PCDHGA5: variants seen among roughly 807,000 people sequenced by gnomAD.
PCDHGA5 encodes the protein protocadherin gamma-A5.
Under a neutral mutation model 56.7 loss-of-function variants are expected in PCDHGA5, and 36 were observed. The ratio of observed to expected loss-of-function variants is 0.64; its 90% CI spans 0.49 to 0.84. The LOEUF is 0.84. Among genes scored for constraint, PCDHGA5 ranks in the 40% least tolerant of loss-of-function variants. The pLI, the probability that PCDHGA5 is intolerant of heterozygous loss-of-function variation, is 0.00. For synonymous variants in PCDHGA5, 563 were observed against 520.2 expected (o/e 1.08, Z -1.12); for missense variants, 1,305 against 1,201.5 (o/e 1.09, Z -1.27).
At chr5:141,497,018 A>G (rs988584487) in intron 2 of PCDHGA5, among the ~76,000 whole-genome samples, 1 of 152,084 alleles carries the variant, frequency 6.6e-6, no homozygotes, top group Non-Finnish European at 1.5e-5. Flanking sequence ...GTGAAACCCC[A>G]TCTCGATTAA....
At chr5:141,393,622 A>G (rs776047060) in intron 1 of PCDHGA5, 2 of 1,613,960 alleles carry the variant, frequency 1.2e-6, no homozygotes, top group Non-Finnish European at 1.7e-6. Flanking sequence ...AGCGACCCGG[A>G]TGAGGGAATC....
intron 1 of PCDHGA5, chr5:141,421,459 G>T: frequency 6.2e-7 from 1 of 1,614,142 alleles, no homozygotes; most frequent in South Asian, 1.1e-5. Context: ...GCTTTTCGCT[G>T]TGAATCCGCG....
At chr5:141,381,657 C>T (rs1224064730) in intron 1 of PCDHGA5, among the ~76,000 whole-genome samples, 5 of 152,134 alleles carry the variant, frequency 3.3e-5, no homozygotes, top group East Asian at 1.9e-4. Context: ...AAATGGGTTG[C>T]TTCTATAGCT....
intron 1 of PCDHGA5, chr5:141,382,829 T>C: frequency 7.3e-7 from 1 of 1,376,168 alleles, no homozygotes; most frequent in Non-Finnish European, 9.9e-7. Flanking sequence ...GACAGAGGGG[T>C]CCACCCGGAT....
At chr5:141,387,920 G>A in intron 1 of PCDHGA5, 12 of 1,481,924 alleles carry the variant, frequency 8.1e-6, no homozygotes, top group Non-Finnish European at 1.1e-5. Context: ...GCCGGGCTGA[G>A]AGGCTGCCAG....
intron 1 of PCDHGA5, chr5:141,375,524 G>T: frequency 6.2e-7 from 1 of 1,613,986 alleles, no homozygotes; most frequent in Admixed American, 1.7e-5. Flanking sequence ...GGACCCTGAC[G>T]TGGACCAGAA....
intron 1 of PCDHGA5, chr5:141,395,364 AT>A: frequency 1.6e-6 from 2 of 1,264,440 alleles, no homozygotes; most frequent in Non-Finnish European, 2.1e-6. Context: ...TTTTGGGTTT[AT>A]TTTGGTGGTG....
intron 1 of PCDHGA5, chr5:141,419,502 T>C: frequency 6.2e-7 from 1 of 1,612,388 alleles, no homozygotes; most frequent in Admixed American, 1.7e-5. Context: ...AATGTGAGCC[T>C]GCGCGTGTTG....
In PCDHGA5 at chr5:141,432,126, C is replaced by G. The variant is rs750150518; in HGVS notation, c.2422-62681C>G. 12 of 1,614,026 alleles carry G rather than the reference C, an allele frequency of 7.4e-6. No homozygotes were observed. Among genetic ancestry groups the G allele is most frequent in the South Asian group, 4.4e-5 (4 of 91,062 alleles). On this transcript the variant is annotated intron_variant, in intron 1 of 3. Transcript: ENST00000518069. The surrounding 1 kb of genome is among the most constrained non-coding windows in gnomAD (Gnocchi z 6.0). ...AACCCGCCGGTCTTCCCTCAGGCCT[C>G]CTATTCCGCTTATATCCCAGAGAAC...
rs1195316502 is a variant in PCDHGA5 at position 141,431,006 on chromosome 5, A to G, written c.2422-63801A>G. 1.2e-6 allele frequency: 2 copies of G among 1,614,116 alleles called. No individual in the cohort carries two copies. Among genetic ancestry groups the G allele is most frequent in the South Asian group, 2.2e-5 (2 of 91,078 alleles). ...TTTCGCCCTGAATCCGCGCAGCGGC[A>G]GCTTGGTCACGGCGGGCAGGATAGA... On this transcript the variant is annotated intron_variant, in intron 1 of 3. Transcript: ENST00000518069. The surrounding 1 kb of genome is among the most constrained non-coding windows in gnomAD (Gnocchi z 4.8).
chr5:141,475,914 A>C (rs2099380300), intron 1 of PCDHGA5: 1 of 592,260 alleles, frequency 1.7e-6, no homozygotes, highest in African/African-American at 1.9e-5. Context: ...GCCAATGAAG[A>C]CGCTGGAGAT....
chr5:141,381,826 C>CTTTTTTTTTTTTTTTTTTTTTTT (rs770630741), intron 1 of PCDHGA5, among the ~76,000 whole-genome samples: 5 of 74,282 alleles, frequency 6.7e-5, no homozygotes, highest in Non-Finnish European at 1.2e-4. Context: ...CTTTCTTCTT[C>CTTTTTTTTTTTTTTTTTTTTTTT]TTTTTTTTTT....
chr5:141,379,889 C>CTTTTTTTTTTTTTTTTTTTTTTTTTTTT lies in PCDHGA5; in HGVS notation c.2421+13141_2421+13168dup, dbSNP rs70988800. On this transcript the variant is annotated intron_variant, in intron 1 of 3. Transcript: ENST00000518069. The stretch of plus-strand genomic sequence containing the variant: ...CTTATTTTATGGTCTGTGAAAGCCT[C>CTTTTTTTTTTTTTTTTTTTTTTTTTTTT]TTTTTTTTTTTTTTTTTTTTTTTTT... Among the ~76,000 whole-genome samples the CTTTTTTTTTTTTTTTTTTTTTTTTTTTT allele has an allele frequency of 5.5e-4, 28 of 50,832 alleles. 8 individuals are homozygous for CTTTTTTTTTTTTTTTTTTTTTTTTTTTT. The highest frequency in any genetic ancestry group is 7.7e-4 in the Non-Finnish European group (20 of 25,882). 33.3% of individuals were successfully genotyped at this position (50,832 alleles called of 152,430 possible). A position where few individuals can be genotyped will look rare whatever the true frequency, so the allele number is the denominator to read the frequency against.
At chr5:141,394,384 A>G (rs1379369009) in intron 1 of PCDHGA5, 2 of 1,614,114 alleles carry the variant, frequency 1.2e-6, no homozygotes, top group African/African-American at 2.7e-5. Flanking sequence ...GACTATGAGC[A>G]GATCCGAGAC....
chr5:141,458,165 A>T lies in PCDHGA5; in HGVS notation c.2422-36642A>T, dbSNP rs10075475. On this transcript the variant is annotated intron_variant, in intron 1 of 3. Coordinates refer to ENST00000518069, the MANE Select transcript of PCDHGA5 (RefSeq NM_018918.3). Reference sequence around the variant, plus strand: ...TGAACATGCTCCAAATTTTGTTCACAGTAGTATACCTTACTTGATTATTAA... The same window carrying T: ...TGAACATGCTCCAAATTTTGTTCACTGTAGTATACCTTACTTGATTATTAA... Among the ~76,000 whole-genome samples the T allele has an allele frequency of 2.4e-3, 368 of 152,356 alleles. 2 individuals carry two copies. The highest frequency in any genetic ancestry group is 8.5e-3 in the African/African-American group (354 of 41,588).
intron 1 of PCDHGA5, chr5:141,371,956 A>C: frequency 6.2e-7 from 1 of 1,613,272 alleles, no homozygotes; most frequent in Non-Finnish European, 8.5e-7. Flanking sequence ...CGAGCCTTCG[A>C]CCACGAGCAG....
In PCDHGA5 at chr5:141,370,921, C is replaced by T. The variant is rs1767318937; in HGVS notation, c.2421+4170C>T. Reference sequence around the variant, plus strand: ...CAGCAGTACTACCTCAGCCCTGATCCGCACTTCTCTTTGATTCAGAAGGAG... The same window carrying T: ...CAGCAGTACTACCTCAGCCCTGATCTGCACTTCTCTTTGATTCAGAAGGAG... On this transcript the variant is annotated intron_variant, in intron 1 of 3. Coordinates refer to ENST00000518069, the MANE Select transcript of PCDHGA5 (RefSeq NM_018918.3). 2 of 1,613,978 alleles carry T rather than the reference C, an allele frequency of 1.2e-6. No homozygotes were observed. Among genetic ancestry groups the T allele is most frequent in the Admixed American group, 1.7e-5 (1 of 60,006 alleles).
Position 141,370,766 on chromosome 5 carries a change from G to C in PCDHGA5, c.2421+4015G>C, listed in dbSNP as rs1205087920. On this transcript the variant is annotated intron_variant, in intron 1 of 3. Transcript: ENST00000518069. ...TTTTTCATGTAACTGTGCTGATCCA[G>C]GATATTAACGACAACCCACCGACCT... The C allele has an allele frequency of 1.9e-6, 3 of 1,613,834 alleles. No homozygotes were observed. In the African/African-American group the frequency reaches 4.0e-5, roughly 22 times the overall value.
chr5:141,366,780 C>A, intron 1 of PCDHGA5, 29 bp downstream of exon 1: 1 of 1,584,768 alleles, frequency 6.3e-7, no homozygotes, highest in Non-Finnish European at 8.6e-7. Context: ...TAAGGATGAC[C>A]AGAACATTTT....
Sources: allele counts gnomAD v4.1 joint callset (sites outside exome capture counted in the v4.1 genomes callset), GRCh38; gene constraint gnomAD v4.1.1; non-coding constraint Gnocchi (gnomAD v3.1); transcripts MANE v1.5; gene names NCBI Gene and HGNC (gene_info 2026-07-23, HGNC 2026-07-21).